MGAT4C: variants seen among roughly 807,000 people sequenced by gnomAD.
MGAT4C encodes alpha-1,3-mannosyl-glycoprotein 4-beta-N-acetylglucosaminyltransferase C.
Under a neutral mutation model 40.1 loss-of-function variants are expected in MGAT4C, and 19 were observed. The observed-to-expected ratio is 0.47, with a 90% CI of 0.33 to 0.70. The LOEUF (loss-of-function observed/expected upper bound fraction) is 0.70. Ranked by LOEUF, MGAT4C falls within the 30% of genes least tolerant of loss-of-function variation. The pLI, the probability that MGAT4C is intolerant of heterozygous loss-of-function variation, is 0.02. For synonymous variants in MGAT4C, 181 were observed against 187.1 expected (o/e 0.97, Z 0.27); for missense variants, 491 against 563.2 (o/e 0.87, Z 1.30).
intron 1 of MGAT4C, among the ~76,000 whole-genome samples, chr12:86,061,423 C>A (rs2137003303): frequency 6.6e-6 from 1 of 152,096 alleles, no homozygotes; most frequent in East Asian, 1.9e-4. Context: ...AAGCACAAAA[C>A]TCGGCGGCAG....
At chr12:86,121,322 T>G (rs552801976) in intron 1 of MGAT4C, among the ~76,000 whole-genome samples, 1 of 152,236 alleles carries the variant, frequency 6.6e-6, no homozygotes, top group Non-Finnish European at 1.5e-5. Flanking sequence ...AAAACACTCT[T>G]CAGGATATTA....
intron 2 of MGAT4C, among the ~76,000 whole-genome samples, chr12:86,589,327 C>A (rs1961217730): frequency 6.6e-6 from 1 of 152,032 alleles, no homozygotes; most frequent in Non-Finnish European, 1.5e-5. Flanking sequence ...TTCCTTGACA[C>A]ATACACTCTC....
chr12:86,545,117 C>T (rs550069777), intron 2 of MGAT4C, among the ~76,000 whole-genome samples: 1 of 152,102 alleles, frequency 6.6e-6, no homozygotes, highest in South Asian at 2.1e-4. Context: ...ATTCAACTTA[C>T]AAGTCAATTT....
chr12:86,548,762 T>C (rs573381219), intron 2 of MGAT4C, among the ~76,000 whole-genome samples: 5 of 152,312 alleles, frequency 3.3e-5, no homozygotes, highest in Admixed American at 2.6e-4. Flanking sequence ...ATCTGTAAAA[T>C]GTAATAAAAA....
At chr12:86,261,524 G>A (rs917778633) in intron 4 of MGAT4C, among the ~76,000 whole-genome samples, 2 of 152,034 alleles carry the variant, frequency 1.3e-5, no homozygotes, top group African/African-American at 4.8e-5. Context: ...CAAGCTATTA[G>A]AAGCAATTTC....
intron 1 of MGAT4C, among the ~76,000 whole-genome samples, chr12:86,157,520 G>A (rs1256986323): frequency 1.3e-5 from 2 of 152,060 alleles, no homozygotes; most frequent in Non-Finnish European, 2.9e-5. Context: ...TCATTTTAAA[G>A]AGCATAGAAA....
chr12:86,301,284 A>G (rs1168694603), intron 4 of MGAT4C, among the ~76,000 whole-genome samples: 1 of 152,114 alleles, frequency 6.6e-6, no homozygotes, highest in Non-Finnish European at 1.5e-5. Context: ...GAGCTCATTT[A>G]TTTTTTATCA....
chr12:86,670,803 C>A (rs975476332), intron 2 of MGAT4C, among the ~76,000 whole-genome samples: 2 of 152,126 alleles, frequency 1.3e-5, no homozygotes, highest in African/African-American at 4.8e-5. Flanking sequence ...AAATCTTAAC[C>A]CTTTTCCCAT....
intron 2 of MGAT4C, among the ~76,000 whole-genome samples, chr12:86,515,092 G>A (rs567619352): frequency 6.6e-6 from 1 of 152,166 alleles, no homozygotes; most frequent in African/African-American, 2.4e-5. Flanking sequence ...CTGGGAATCA[G>A]GATGTGGATA....
At chr12:86,519,950 T>A (rs1958763613) in intron 2 of MGAT4C, among the ~76,000 whole-genome samples, 2 of 152,274 alleles carry the variant, frequency 1.3e-5, no homozygotes, top group South Asian at 4.1e-4. Flanking sequence ...GTTTTTGAGG[T>A]CTTACACAAA....
chr12:86,413,776 G>A (rs145926636), intron 3 of MGAT4C, among the ~76,000 whole-genome samples: 4 of 152,198 alleles, frequency 2.6e-5, no homozygotes, highest in African/African-American at 7.2e-5. Flanking sequence ...AAGTGTGTGC[G>A]GTTTTATTTT....
chr12:86,387,049 T>C (rs1221617201), intron 3 of MGAT4C, among the ~76,000 whole-genome samples: 1 of 152,282 alleles, frequency 6.6e-6, no homozygotes, highest in South Asian at 2.1e-4. Flanking sequence ...GGCTTAAATA[T>C]TGTCATAATT....
intron 4 of MGAT4C, among the ~76,000 whole-genome samples, chr12:86,283,953 T>A (rs534952596): frequency 2.0e-5 from 3 of 152,130 alleles, no homozygotes; most frequent in Non-Finnish European, 4.4e-5. Context: ...GCTGCATCTA[T>A]TAAATCTACT....
At position 86,359,516 on chromosome 12, in the gene MGAT4C, C is replaced by G. The variant is rs569113437; in HGVS notation, c.-119-25389G>C. 2.0e-3 allele frequency among the ~76,000 whole-genome samples: 300 copies of G among 151,634 alleles called. 1 individual carries two copies. The highest frequency in any genetic ancestry group is 7.0e-3 in the African/African-American group (288 of 41,334). On this transcript the variant is annotated intron_variant, in intron 3 of 7. Transcript: ENST00000548651. ...GGAGATAGAGACATAAAAAAAAAAC[C>G]CTTCAAAAAATCAATGAATCCATGA...
At chr12:86,048,880 G>A (rs547907002) in intron 2 of MGAT4C, among the ~76,000 whole-genome samples, 1 of 152,008 alleles carries the variant, frequency 6.6e-6, no homozygotes, top group South Asian at 2.1e-4. Context: ...ATTAATAAAT[G>A]GAATCCAGGA....
intron 2 of MGAT4C, among the ~76,000 whole-genome samples, chr12:86,571,315 G>C (rs111381445): frequency 0.026 from 3,920 of 151,986 alleles, 81 homozygotes; most frequent in Non-Finnish European, 0.036. Context: ...TTACTCTACT[G>C]GGCATAAGAT....
At chr12:86,493,788 G>T (rs931109881) in intron 2 of MGAT4C, among the ~76,000 whole-genome samples, 2 of 151,474 alleles carry the variant, frequency 1.3e-5, no homozygotes. Context: ...CCTAAAACTT[G>T]AAGTATAATA....
At chr12:86,325,474 C>G (rs896396288) in intron 4 of MGAT4C, among the ~76,000 whole-genome samples, 7 of 152,160 alleles carry the variant, frequency 4.6e-5, no homozygotes, top group African/African-American at 1.7e-4. Flanking sequence ...AAAAGGATTA[C>G]AGTTCAATCC....
At chr12:86,628,603 A>C (rs1962903969) in intron 2 of MGAT4C, among the ~76,000 whole-genome samples, 1 of 152,156 alleles carries the variant, frequency 6.6e-6, no homozygotes, top group South Asian at 2.1e-4. Context: ...AACATTCCTA[A>C]AGAAAATAAT....
Sources: gnomAD v4.1 joint callset for allele counts (sites outside exome capture counted in the v4.1 genomes callset) on GRCh38, gnomAD v4.1.1 for gene constraint, MANE v1.5 for transcripts, NCBI Gene and HGNC (gene_info 2026-07-23, HGNC 2026-07-21) for gene names.